Variants in DMKN observed in about 807,000 individuals in gnomAD.
DMKN encodes epidermis-specific secreted protein SK30/SK89.
A neutral mutation model predicts 67.6 loss-of-function variants in DMKN; 58 were observed. The ratio of observed to expected loss-of-function variants is 0.86; its 90% confidence interval spans 0.69 to 1.07. The LOEUF (loss-of-function observed/expected upper bound fraction) is 1.07. Among genes scored for constraint, DMKN ranks in the 50% least tolerant of loss-of-function variants. DMKN has a pLI of 0.00. For missense variants in DMKN, 596 were observed against 601.5 expected, an observed-to-expected ratio of 0.99 and a Z score of 0.10; for synonymous variants, 240 against 232.3, an observed-to-expected ratio of 1.03 and a Z score of -0.30.
intron 7 of DMKN, chr19:35,507,651 C>T: frequency 1.5e-6 from 1 of 685,586 alleles, no homozygotes; most frequent in Non-Finnish European, 2.5e-6. Context: ...TTCCCAGAGG[C>T]CTGAGAAAGA....
Position 35,505,755 on chromosome 19 carries a change from G to C in DMKN, c.1097C>G (p.Ser366Cys). ...NFDTFWKNFK[S>C]KLGFINWDAI... Reference sequence around the variant, plus strand: ...ATCCCAGTTGATGAAACCCAGCTTGGATTTAAAATTCTATGGAGGAAACAA... The same window carrying C: ...ATCCCAGTTGATGAAACCCAGCTTGCATTTAAAATTCTATGGAGGAAACAA... Residue 366 changes from serine (S) to cysteine (C), a missense_variant, in exon 9 of 16, where the codon TCC (serine) becomes TGC (cysteine). Coordinates refer to ENST00000339686, the MANE Select transcript of DMKN (RefSeq NM_033317.5). The C allele has an allele frequency of 6.2e-7, 1 of 1,614,128 alleles. No homozygotes were observed. The highest frequency in any genetic ancestry group is 2.2e-5 in the East Asian group (1 of 44,872).
At position 35,500,511 on chromosome 19, in the gene DMKN, T is replaced by C. The variant is rs781384998; in HGVS notation, c.1287+22A>G. 3.1e-6 allele frequency: 5 copies of C among 1,606,642 alleles called. No individual in the cohort carries two copies. The South Asian group carries it at 5.6e-5, about 18-fold the overall frequency. Reference sequence around the variant, plus strand: ...AAGGGGGACCAAGGGCCCTGCAGGGTAACTTGAGGACAGAGACTCACCTGA... The same window carrying C: ...AAGGGGGACCAAGGGCCCTGCAGGGCAACTTGAGGACAGAGACTCACCTGA... On this transcript the variant is annotated intron_variant, in intron 12 of 15. Transcript: ENST00000339686.
intron 9 of DMKN, chr19:35,503,481 T>TG: frequency 4.6e-6 from 7 of 1,536,738 alleles, no homozygotes; most frequent in African/African-American, 4.2e-5. Context: ...TTTGTTTTTT[T>TG]TTTTTTTTTT....
Position 35,507,762 on chromosome 19 carries a change from A to C in DMKN, c.1039-1776T>G, listed in dbSNP as rs1005597239. 6.1e-5 allele frequency: 31 copies of C among 507,192 alleles called. No homozygotes were observed. The South Asian group carries it at 8.2e-4, about 13-fold the overall frequency. The allele number at this position is 507,192 out of a possible 1,614,324, so 31.4% of individuals were successfully genotyped here. ...TACGATGTCCATAGATAACATCGCC[A>C]TCTCTGTTTATGTTCATTTCTGCAA... On this transcript the variant is annotated intron_variant, in intron 7 of 15. Coordinates refer to ENST00000339686, the MANE Select transcript of DMKN (RefSeq NM_033317.5).
rs78947561 is a variant in DMKN, at chr19:35,512,689, G to T, written c.528C>A (p.Tyr176Ter). Residue 176 changes from tyrosine (Y) to a stop codon, truncating the protein, a stop_gained, in exon 2 of 16, where the codon TAC (tyrosine) becomes TAA (stop). Transcript: ENST00000339686. LOFTEE classifies it high-confidence loss of function. ...GGLGTPWVHGYPGNSAGSFGM... is the reference protein window; with the variant it reads ...GGLGTPWVHG ...CAAAGCTGCCTGCTGAGTTTCCGGG[G>T]TATCCGTGGACCCACGGAGTCCCCA... 1.6e-4 allele frequency: 264 copies of T among 1,614,168 alleles called. 2 individuals are homozygous for T. The African/African-American group carries it at 3.1e-3, about 19-fold the overall frequency.
intron 11 of DMKN, among the ~76,000 whole-genome samples, chr19:35,500,968 C>T (rs896314500): frequency 1.3e-5 from 2 of 152,186 alleles, no homozygotes; most frequent in Non-Finnish European, 2.9e-5. Context: ...CCCTGCACAC[C>T]GACGCCATGC....
intron 7 of DMKN, chr19:35,506,712 T>G: frequency 3.0e-6 from 1 of 338,148 alleles, no homozygotes; most frequent in South Asian, 2.3e-5. Flanking sequence ...GATTTTAATA[T>G]ATATCTTAAA....
rs1236041758 is a variant in DMKN at position 35,505,370 on chromosome 19, C to T, written c.1134+348G>A. On this transcript the variant is annotated intron_variant, in intron 9 of 15. Coordinates refer to ENST00000339686, the MANE Select transcript of DMKN (RefSeq NM_033317.5). ...CCTTCCTCTTGGGGCCTCTTAGCTCCACCTCACTCCTCATTCCATGTGCCC... is the reference window on the plus strand; with the variant it reads ...CCTTCCTCTTGGGGCCTCTTAGCTCTACCTCACTCCTCATTCCATGTGCCC... 3.3e-5 allele frequency among the ~76,000 whole-genome samples: 5 copies of T among 152,134 alleles called. No individual in the cohort carries two copies. The South Asian group carries it at 1.0e-3, about 32-fold the overall frequency.
intron 4 of DMKN, 79 bp downstream of exon 4, chr19:35,511,684 A>AC (rs1200343850): frequency 1.7e-5 from 27 of 1,592,118 alleles, no homozygotes; most frequent in Non-Finnish European, 2.3e-5. Flanking sequence ...GCCATATTCC[A>AC]TGATGCCCAG....
rs1289441093 is a variant in DMKN, at chr19:35,506,223, T to C, written c.1039-237A>G. On this transcript the variant is annotated intron_variant, in intron 7 of 15. Transcript: ENST00000339686. Reference sequence around the variant, plus strand: ...AAGGGGGACCGATGTCCAAGGCTTATGCTTCCTATCATGCCTGCCACCTGT... The same window carrying C: ...AAGGGGGACCGATGTCCAAGGCTTACGCTTCCTATCATGCCTGCCACCTGT... 7 of 1,468,670 alleles carry C rather than the reference T, an allele frequency of 4.8e-6. No homozygotes were observed. In the African/African-American group the frequency reaches 9.9e-5, roughly 21 times the overall value. The allele number at this position is 1,468,670 out of a possible 1,614,324, so 91.0% of individuals were successfully genotyped here. A position where few individuals can be genotyped will look rare whatever the true frequency, so the allele number is the denominator to read the frequency against.
rs1386093229 is a variant in DMKN, at chr19:35,504,596, AAAAG to A, written c.1134+1118_1134+1121del. Among the ~76,000 whole-genome samples, 456 of 147,854 alleles carry A rather than the reference AAAAG, an allele frequency of 3.1e-3. 2 individuals carry two copies. Among genetic ancestry groups the A allele is most frequent in the African/African-American group, 0.011 (424 of 39,618 alleles). On this transcript the variant is annotated intron_variant, in intron 9 of 15. Transcript: ENST00000339686. ...CCGTCTCACCAAAAAAAAAAAAAAC[AAAAG>A]AAAGAAAGAAAGAAAAAGAAAAAAG...
chr19:35,500,384 A>G (rs2068151811), intron 12 of DMKN, 149 bp downstream of exon 12: 2 of 1,551,668 alleles, frequency 1.3e-6, no homozygotes, highest in African/African-American at 2.7e-5. Context: ...TCACCTTGGA[A>G]GTTACAGCTG....
chr19:35,505,824 G>T (rs2069377435), intron 8 of DMKN, 59 bp from the exon 9 acceptor site: 1 of 1,613,484 alleles, frequency 6.2e-7, no homozygotes, highest in South Asian at 1.1e-5. Context: ...TTGGCCGAGA[G>T]AGGTCAAGGG....
At position 35,511,435 on chromosome 19, in the gene DMKN, AC is replaced by A. The variant is rs2146210887; in HGVS notation, c.893del (p.Gly298ValfsTer79). 10 of 1,606,414 alleles carry A rather than the reference AC, an allele frequency of 6.2e-6. No homozygotes were observed. Among genetic ancestry groups the A allele is most frequent in the Non-Finnish European group, 7.6e-6 (9 of 1,178,790 alleles). The stretch of plus-strand genomic sequence containing the variant: ...CCCAGGAGGACTCACTGCCGCTGTC[AC>A]CTCTGCTGCCACCACTGTTGCCACT... ...GSSGNSGGSR[G>X]DSGSESSWGS... On this transcript the variant is annotated frameshift_variant, in exon 5 of 16. Coordinates refer to ENST00000339686, the MANE Select transcript of DMKN (RefSeq NM_033317.5). LOFTEE classifies it high-confidence loss of function.
chr19:35,510,232 G>A lies in DMKN; in HGVS notation c.939C>T (p.Ser313=), dbSNP rs137975990. The A allele has an allele frequency of 4.3e-5, 69 of 1,607,486 alleles. No homozygotes were observed. Among genetic ancestry groups the A allele is most frequent in the African/African-American group, 3.2e-4 (24 of 74,930 alleles). Residue 313 remains serine (S), a synonymous_variant, in exon 6 of 16, where the codon TCC becomes TCT. Coordinates refer to ENST00000339686, the MANE Select transcript of DMKN (RefSeq NM_033317.5). Reference sequence around the variant, plus strand: ...CGCCGCTCCCACCGTGGTTGCCGGAGGAGGAGCCGGTGCTGGATCCCTGCA... The same window carrying A: ...CGCCGCTCCCACCGTGGTTGCCGGAAGAGGAGCCGGTGCTGGATCCCTGCA... ...ESSWGSSTGS[S]SGNHGGSGGG...
At chr19:35,500,624 C>T (rs767849830) in intron 11 of DMKN, 44 bp from the exon 12 acceptor site, 10 of 1,568,258 alleles carry the variant, frequency 6.4e-6, no homozygotes, top group South Asian at 3.5e-5. Flanking sequence ...CGCAGTCGTG[C>T]GGGCATTGCC....
chr19:35,506,076 T>A (rs780511002), intron 7 of DMKN, 90 bp from the exon 8 acceptor site: 1 of 1,608,428 alleles, frequency 6.2e-7, no homozygotes, highest in Non-Finnish European at 8.5e-7. Context: ...GAGGCGAGGA[T>A]TGTGTGACAC....
chr19:35,509,786 C>A (rs1031302221), intron 7 of DMKN, 125 bp downstream of exon 7: 14 of 1,161,756 alleles, frequency 1.2e-5, no homozygotes, highest in Non-Finnish European at 1.6e-5. Context: ...GTTTCTTCTG[C>A]CGAAATAGTC....
At chr19:35,511,358 G>T (rs2070718116) in intron 5 of DMKN, 53 bp downstream of exon 5, 3 of 1,600,830 alleles carry the variant, frequency 1.9e-6, no homozygotes, top group African/African-American at 2.7e-5. Context: ...CTCCCGGCAG[G>T]GACCACTAGG....
Sources: gnomAD v4.1 joint callset for allele counts (sites outside exome capture counted in the v4.1 genomes callset) on GRCh38, gnomAD v4.1.1 for gene constraint, MANE v1.5 for transcripts, NCBI Gene and HGNC (gene_info 2026-07-23, HGNC 2026-07-21) for gene names.